Variants in OPHN1 observed in about 807,000 individuals in gnomAD.
The protein encoded by OPHN1 is oligophrenin 1.
Under a neutral mutation model 60.7 loss-of-function variants are expected in OPHN1, and 11 were observed. The ratio of observed to expected loss-of-function variants is 0.18; its 90% CI spans 0.11 to 0.30. The LOEUF is 0.30. OPHN1 is among the 10% of genes least tolerant of loss of function. The probability of loss-of-function intolerance (pLI) is 1.00; values close to 1 mark genes in which losing one functional copy is unlikely to be tolerated. For synonymous variants in OPHN1, 226 were observed against 222.6 expected (o/e 1.02, Z -0.14); for missense variants, 449 against 611.0 (o/e 0.73, Z 2.80).
intron 15 of OPHN1, among the ~76,000 whole-genome samples, chrX:68,169,393 C>T (rs2077377514): frequency 9.0e-6 from 1 of 110,966 alleles, no homozygotes; most frequent in Non-Finnish European, 1.9e-5. Flanking sequence ...CCCCATCAAG[C>T]TACCAATGAC....
At chrX:68,096,837 G>A in intron 19 of OPHN1, 33 bp downstream of exon 19, 1 of 1,195,758 alleles carries the variant, frequency 8.4e-7, no homozygotes, top group Non-Finnish European at 1.1e-6. Flanking sequence ...TCACATGTTT[G>A]GAAGACAGGT....
At chrX:68,237,191 AC>A (rs1197013661) in intron 5 of OPHN1, among the ~76,000 whole-genome samples, 6 of 112,164 alleles carry the variant, frequency 5.3e-5, no homozygotes, top group Admixed American at 9.4e-5. Flanking sequence ...CACCATGTTG[AC>A]CAGGCTGGTC....
At chrX:68,422,391 C>T (rs2147786963) in intron 2 of OPHN1, among the ~76,000 whole-genome samples, 1 of 107,407 alleles carries the variant, frequency 9.3e-6, no homozygotes, top group African/African-American at 3.4e-5. Flanking sequence ...GGCATGGTGG[C>T]ACGTGCCTGT....
Position 68,063,404 on chromosome X carries a change from C to T in OPHN1, c.2158+450G>A, listed in dbSNP as rs781685155. On this transcript the variant is annotated intron_variant, in intron 21 of 24. Transcript: ENST00000355520. ...GGCATGGTGGCAAGTGTCTGTAGTCCCAGCTACTCAGGAGGCTGAGGCAGG... is the reference window on the plus strand; with the variant it reads ...GGCATGGTGGCAAGTGTCTGTAGTCTCAGCTACTCAGGAGGCTGAGGCAGG... Among the ~76,000 whole-genome samples the T allele has an allele frequency of 2.7e-5, 3 of 109,367 alleles. No individual in the cohort carries two copies. In the South Asian group the frequency reaches 1.2e-3, roughly 44 times the overall value. 95.0% of individuals were successfully genotyped at this position (109,367 alleles called of 115,157 possible).
chrX:68,071,742 A>C (rs2076935544), intron 20 of OPHN1: 4 of 478,061 alleles, frequency 8.4e-6, no homozygotes, highest in Admixed American at 2.9e-5. Context: ...TGGTTTGTCC[A>C]ATGTCAGCTT....
intron 3 of OPHN1, among the ~76,000 whole-genome samples, chrX:68,297,477 A>G (rs1351738686): frequency 8.9e-6 from 1 of 112,004 alleles, no homozygotes; most frequent in Non-Finnish European, 1.9e-5. Flanking sequence ...AAATAATACA[A>G]ATACAAATAT....
At chrX:68,430,388 G>A (rs2078880035) in intron 2 of OPHN1, among the ~76,000 whole-genome samples, 1 of 111,647 alleles carries the variant, frequency 9.0e-6, no homozygotes, top group Non-Finnish European at 1.9e-5. Flanking sequence ...CCTATTTTTG[G>A]CTTTCTGTGT....
At chrX:68,153,798 G>A (rs1249365776) in intron 15 of OPHN1, among the ~76,000 whole-genome samples, 1 of 111,623 alleles carries the variant, frequency 9.0e-6, no homozygotes, top group African/African-American at 3.3e-5. Context: ...TATATGCTGA[G>A]ACCCCGTGAT....
intron 4 of OPHN1, among the ~76,000 whole-genome samples, chrX:68,281,951 G>C (rs977985064): frequency 1.1e-4 from 12 of 112,369 alleles, no homozygotes; most frequent in Admixed American, 1.9e-4. Flanking sequence ...CGAGGACATG[G>C]AGCAACAGGA....
intron 2 of OPHN1, among the ~76,000 whole-genome samples, chrX:68,305,534 T>C (rs2078141095): frequency 8.9e-6 from 1 of 112,421 alleles, no homozygotes; most frequent in African/African-American, 3.2e-5. Context: ...ATCTCTCACC[T>C]CTTGCTTAGC....
chrX:68,423,612 T>C (rs745968473), intron 2 of OPHN1, among the ~76,000 whole-genome samples: 4 of 110,815 alleles, frequency 3.6e-5, no homozygotes, highest in Non-Finnish European at 7.5e-5. Context: ...TAGCAATCAC[T>C]AACCTGATAC....
intron 2 of OPHN1, among the ~76,000 whole-genome samples, chrX:68,312,641 ATAG>A (rs1313265536): frequency 9.0e-6 from 1 of 110,992 alleles, no homozygotes. Flanking sequence ...TAAACATAAG[ATAG>A]TAGAAGAAAG....
intron 15 of OPHN1, among the ~76,000 whole-genome samples, chrX:68,166,261 C>T (rs781269936): frequency 8.9e-6 from 1 of 112,406 alleles, no homozygotes; most frequent in Admixed American, 9.4e-5. Context: ...TGGCCAGGCA[C>T]GGTGGCTCAC....
chrX:68,270,928 G>A (rs1290158976), intron 5 of OPHN1, among the ~76,000 whole-genome samples: 1 of 110,841 alleles, frequency 9.0e-6, no homozygotes, highest in Non-Finnish European at 1.9e-5. Flanking sequence ...GACCTTAGAG[G>A]CTACACCTCA....
At chrX:68,235,681 T>C (rs970841278) in intron 5 of OPHN1, among the ~76,000 whole-genome samples, 2 of 79,328 alleles carry the variant, frequency 2.5e-5, no homozygotes, top group East Asian at 8.1e-4. Context: ...CTACTAAAAA[T>C]ACAAAAAAAA....
At chrX:68,197,343 C>T in intron 11 of OPHN1, 79 bp from the exon 12 acceptor site, 1 of 753,583 alleles carries the variant, frequency 1.3e-6, no homozygotes, top group Non-Finnish European at 2.1e-6. Context: ...GGGTCCCTCT[C>T]TGCCCTGGAG....
intron 2 of OPHN1, among the ~76,000 whole-genome samples, chrX:68,411,326 G>A (rs1037315956): frequency 3.6e-5 from 4 of 112,040 alleles, no homozygotes; most frequent in African/African-American, 1.3e-4. Flanking sequence ...GGGTCGAATG[G>A]TGGTAGTTCT....
chrX:68,388,193 C>T (rs1235661860), intron 2 of OPHN1, among the ~76,000 whole-genome samples: 1 of 104,369 alleles, frequency 9.6e-6, no homozygotes, highest in South Asian at 4.5e-4. Context: ...GATGCAGTGG[C>T]TCAAACCTGT....
intron 5 of OPHN1, among the ~76,000 whole-genome samples, chrX:68,238,117 G>A (rs911347614): frequency 7.2e-5 from 8 of 111,458 alleles, no homozygotes; most frequent in Non-Finnish European, 1.5e-4. Flanking sequence ...TTCACTTCTA[G>A]GCCCTTCATC....
Sources: allele counts gnomAD v4.1 joint callset (sites outside exome capture counted in the v4.1 genomes callset), GRCh38; gene constraint gnomAD v4.1.1; transcripts MANE v1.5; gene names NCBI Gene and HGNC (gene_info 2026-07-23, HGNC 2026-07-21).